ZSCAN32: variants seen among roughly 807,000 people sequenced by gnomAD.
ZSCAN32 encodes the protein zinc finger and SCAN domain containing 32, also known as zinc finger and SCAN domain-containing protein 32.
A neutral mutation model predicts 47.4 loss-of-function variants in ZSCAN32; 52 were observed. That is an observed-to-expected ratio of 1.10 (90% CI 0.88 to 1.38). The LOEUF (loss-of-function observed/expected upper bound fraction) is 1.38, where lower values mean the gene tolerates loss of function less well. Ranked by LOEUF, ZSCAN32 falls within the 40% of genes most tolerant of loss-of-function variation. The pLI is 0.00. For synonymous variants in ZSCAN32, 346 were observed against 305.7 expected, an observed-to-expected ratio of 1.13 and a Z score of -1.38; for missense variants, 959 against 846.0, an observed-to-expected ratio of 1.13 and a Z score of -1.66.
At chr16:3,387,895 AGAGTT>A (rs563706766) in intron 5 of ZSCAN32, among the ~76,000 whole-genome samples, 98 of 152,340 alleles carry the variant, frequency 6.4e-4, no homozygotes, top group African/African-American at 2.2e-3. Flanking sequence ...ATGTTTACGT[AGAGTT>A]AAGTGCCAAA....
In ZSCAN32 at chr16:3,393,717, ACCT is replaced by A. The variant is rs2033091942; in HGVS notation, c.461_463del (p.Glu154del). 1 of 1,549,988 alleles carries A rather than the reference ACCT, an allele frequency of 6.5e-7. No individual in the cohort carries two copies. Among genetic ancestry groups the A allele is most frequent in the East Asian group, 2.4e-5 (1 of 40,874 alleles). On this transcript the variant is annotated inframe_deletion, in exon 3 of 7. Transcript: ENST00000396852. ...CTTAAAAGTCGGTTCCTCTGGCTGA[ACCT>A]CCTGTTTCCATTGGGATCTCAGTGA...
chr16:3,397,837 T>TGATACGGCGA, intron 1 of ZSCAN32, 93 bp from the exon 2 acceptor site: 1 of 233,788 alleles, frequency 4.3e-6, no homozygotes. Flanking sequence ...CTTTACTCCC[T>TGATACGGCGA]CCACAAATCT....
intron 3 of ZSCAN32, among the ~76,000 whole-genome samples, chr16:3,392,375 ATTTTT>A (rs34506287): frequency 7.7e-6 from 1 of 129,392 alleles, no homozygotes; most frequent in Non-Finnish European, 1.7e-5. Flanking sequence ...AATTAAAACA[ATTTTT>A]TTTTTTTTTT....
intron 6 of ZSCAN32, 56 bp from the exon 7 acceptor site, chr16:3,383,767 G>A: frequency 2.0e-6 from 3 of 1,506,940 alleles, no homozygotes; most frequent in Non-Finnish European, 2.6e-6. Context: ...GAAAACAATG[G>A]AATGCAAAGT....
intron 3 of ZSCAN32, among the ~76,000 whole-genome samples, chr16:3,393,208 T>TTA (rs369814763): frequency 0.018 from 216 of 11,782 alleles, 66 homozygotes; most frequent in Middle Eastern, 0.056. Flanking sequence ...ATATTTATAT[T>TTA]TATATATATA....
chr16:3,384,993 C>G (rs760262915), intron 5 of ZSCAN32, 52 bp from the exon 6 acceptor site: 4 of 1,563,828 alleles, frequency 2.6e-6, no homozygotes, highest in Non-Finnish European at 3.4e-6. Context: ...TCATGGAGGA[C>G]TGTACATACT....
chr16:3,397,304 A>G lies in ZSCAN32; in HGVS notation c.254T>C (p.Phe85Ser). ...EILELLVLEQFLTILPEEIQT... is the reference protein window; with the variant it reads ...EILELLVLEQSLTILPEEIQT... ...GATCTCCTCTGGCAAGATAGTCAGAAACTGCTCCAAAACCAGCAGCTCCAG... is the reference window on the plus strand; with the variant it reads ...GATCTCCTCTGGCAAGATAGTCAGAGACTGCTCCAAAACCAGCAGCTCCAG... Residue 85 changes from phenylalanine (F) to serine (S), a missense_variant, in exon 2 of 7, where the codon TTT (phenylalanine) becomes TCT (serine). Physicochemically the swap from Phe to Ser is radical, Grantham distance 155 (BLOSUM62 -2). Coordinates refer to ENST00000396852, the MANE Select transcript of ZSCAN32 (RefSeq NM_001284527.2). The G allele has an allele frequency of 6.4e-7, 1 of 1,571,990 alleles. No individual in the cohort carries two copies. The highest frequency in any genetic ancestry group is 2.3e-5 in the East Asian group (1 of 42,896).
chr16:3,397,814 TCCTATCCC>T, intron 1 of ZSCAN32, 70 bp from the exon 2 acceptor site: 10 of 393,546 alleles, frequency 2.5e-5, no homozygotes, highest in African/African-American at 1.0e-4. Flanking sequence ...GTGATTTACT[TCCTATCCC>T]TTTCCTTTAC....
rs2150870032 is a variant in ZSCAN32 at position 3,384,509 on chromosome 16, C to T, written c.1184G>A (p.Gly395Asp). 1 of 1,614,144 alleles carries T rather than the reference C, an allele frequency of 6.2e-7. No homozygotes were observed. The highest frequency in any genetic ancestry group is 1.3e-5 in the African/African-American group (1 of 75,034). The change falls in exon 6 of 7, where the codon GGC becomes GAC. Residue 395 changes from glycine to aspartate, a missense_variant. Gly to Asp is a moderately conservative substitution (Grantham distance 94). Coordinates refer to ENST00000396852, the MANE Select transcript of ZSCAN32 (RefSeq NM_001284527.2). ...CAGGTCTAGTTTCCTGACTTCCTGGCCAGGATTCCTGAAGTCCTTTTCATC... is the reference window on the plus strand; with the variant it reads ...CAGGTCTAGTTTCCTGACTTCCTGGTCAGGATTCCTGAAGTCCTTTTCATC... The part of the protein sequence containing the change: ...DRDEKDFRNP[G>D]QEVRKLDLPV...
intron 3 of ZSCAN32, among the ~76,000 whole-genome samples, chr16:3,393,143 G>T (rs957748720): frequency 9.4e-6 from 1 of 106,580 alleles, no homozygotes; most frequent in Non-Finnish European, 1.8e-5. Context: ...CTTGCTTTTG[G>T]ATATGGAGAG....
At position 3,384,855 on chromosome 16, in the gene ZSCAN32, A is replaced by G. The variant is rs754700661; in HGVS notation, c.838T>C (p.Cys280Arg). The change falls in exon 6 of 7, where the codon TGT becomes CGT. Residue 280 changes from cysteine to arginine, a missense_variant. Physicochemically the swap from Cys to Arg is radical, Grantham distance 180 (BLOSUM62 -3). Transcript: ENST00000396852. ...SSQFYGKLQT[C>R]QQNSQIYRAM... ...CTGTAGATCTGGCTGTTCTGCTGAC[A>G]GGTCTGGAGTTTTCCATAAAATTGA... 3 of 1,614,090 alleles carry G rather than the reference A, an allele frequency of 1.9e-6. No homozygotes were observed. In the African/African-American group the frequency reaches 4.0e-5, roughly 22 times the overall value.
At chr16:3,393,201 TTTATA>T (rs1403751233) in intron 3 of ZSCAN32, among the ~76,000 whole-genome samples, 1 of 23,088 alleles carries the variant, frequency 4.3e-5, no homozygotes, top group African/African-American at 3.7e-4. Flanking sequence ...TATATATATA[TTTATA>T]TTTATATATA....
intron 2 of ZSCAN32, among the ~76,000 whole-genome samples, chr16:3,396,306 A>G (rs2033363694): frequency 6.6e-6 from 1 of 152,146 alleles, no homozygotes; most frequent in Non-Finnish European, 1.5e-5. Context: ...ATTAAGTCAA[A>G]AGTACTAACT....
intron 6 of ZSCAN32, 146 bp downstream of exon 6, chr16:3,384,313 T>G: frequency 1.7e-6 from 2 of 1,194,834 alleles, no homozygotes; most frequent in Non-Finnish European, 2.4e-6. Context: ...AACCTTTAAC[T>G]CCATGAAAAC....
chr16:3,382,847 C>T lies in ZSCAN32; in HGVS notation c.*5G>A, dbSNP rs1366322947. 3 of 1,545,756 alleles carry T rather than the reference C, an allele frequency of 1.9e-6. No individual in the cohort carries two copies. The highest frequency in any genetic ancestry group is 2.5e-5 in the South Asian group (2 of 81,006). ...GGAACTTAATCTGACAGTTTACCGACACACTCATAACGCATCTCTTCCTTC... is the reference window on the plus strand; with the variant it reads ...GGAACTTAATCTGACAGTTTACCGATACACTCATAACGCATCTCTTCCTTC... On this transcript the variant is annotated 3_prime_UTR_variant, in exon 7 of 7. Transcript: ENST00000396852.
At chr16:3,398,525 T>C (rs774353573) in intron 1 of ZSCAN32, among the ~76,000 whole-genome samples, 1 of 152,186 alleles carries the variant, frequency 6.6e-6, no homozygotes, top group Non-Finnish European at 1.5e-5. Context: ...GCAGTTCCCC[T>C]GTCTTGACAA....
chr16:3,382,993 G>T lies in ZSCAN32; in HGVS notation c.1953C>A (p.His651Gln). 2 of 1,614,134 alleles carry T rather than the reference G, an allele frequency of 1.2e-6. No individual in the cohort carries two copies. Among genetic ancestry groups the T allele is most frequent in the Non-Finnish European group, 1.7e-6 (2 of 1,179,996 alleles). The change falls in exon 7 of 7, where the codon CAC becomes CAA. Residue 651 changes from histidine to glutamine, a missense_variant. By Grantham distance (24) the His-to-Gln change is conservative (BLOSUM62 0). Coordinates refer to ENST00000396852, the MANE Select transcript of ZSCAN32 (RefSeq NM_001284527.2). ...IFNNSSHFSA[H>Q]RKTHTGEKPY... is the part of the protein sequence containing the mutation. ...GCTTTTCACCAGTGTGGGTTTTTCG[G>T]TGGGCACTGAAGTGGGAGCTATTGT...
intron 2 of ZSCAN32, among the ~76,000 whole-genome samples, chr16:3,394,507 C>G (rs2033181230): frequency 6.6e-6 from 1 of 152,144 alleles, no homozygotes; most frequent in Non-Finnish European, 1.5e-5. Context: ...CACCTCATGG[C>G]TCCATCAGGG....
rs767398044 is a variant in ZSCAN32, at chr16:3,384,434, A to G, written c.1234+25T>C. 14 of 1,613,336 alleles carry G rather than the reference A, an allele frequency of 8.7e-6. No individual in the cohort carries two copies. The Admixed American group carries it at 1.3e-4, about 15-fold the overall frequency. ...CTAAAGTGGACTTTGCCATCCTTTG[A>G]CCATCAGAGCCAAGGGAGTCTTACC... is the stretch of plus-strand genomic sequence containing the variant. On this transcript the variant is annotated intron_variant, in intron 6 of 6. Transcript: ENST00000396852.
Sources: allele counts gnomAD v4.1 joint callset (sites outside exome capture counted in the v4.1 genomes callset), GRCh38; gene constraint gnomAD v4.1.1; transcripts MANE v1.5; gene names NCBI Gene and HGNC (gene_info 2026-07-23, HGNC 2026-07-21).